Variants in CDH4 observed in about 807,000 individuals in gnomAD.
The protein encoded by CDH4 is cadherin-4.
Under a neutral mutation model 86.0 loss-of-function variants are expected in CDH4, and 33 were observed. The ratio of observed to expected loss-of-function variants is 0.38; its 90% CI spans 0.29 to 0.51. CDH4 has a LOEUF of 0.51. CDH4 is among the 20% of genes least tolerant of loss of function. The pLI, the probability that CDH4 is intolerant of heterozygous loss-of-function variation, is 0.86. For missense variants in CDH4, 1,114 were observed against 1,307.4 expected (o/e 0.85, Z 2.28); for synonymous variants, 555 against 549.4 (o/e 1.01, Z -0.14).
At chr20:61,277,901 T>G (rs1320714213) in intron 2 of CDH4, among the ~76,000 whole-genome samples, 1 of 152,336 alleles carries the variant, frequency 6.6e-6, no homozygotes, top group African/African-American at 2.4e-5. Context: ...CTTTTCCAGC[T>G]CTGGTTCCGA....
chr20:61,828,315 C>G (rs1296663700), intron 4 of CDH4, among the ~76,000 whole-genome samples: 1 of 152,166 alleles, frequency 6.6e-6, no homozygotes, highest in African/African-American at 2.4e-5. Context: ...TTTGCCTCCC[C>G]CCATTACACA....
chr20:61,647,688 A>C (rs1249285159), intron 2 of CDH4, among the ~76,000 whole-genome samples: 1 of 151,668 alleles, frequency 6.6e-6, no homozygotes, highest in African/African-American at 2.4e-5. Context: ...TGGTTTTCCA[A>C]ATGTGGAGAA....
At chr20:61,887,929 G>A (rs900396754) in intron 7 of CDH4, among the ~76,000 whole-genome samples, 3 of 152,220 alleles carry the variant, frequency 2.0e-5, no homozygotes, top group Non-Finnish European at 4.4e-5. Flanking sequence ...CAGGCAGGCA[G>A]TGGGGCACCT....
intron 9 of CDH4, among the ~76,000 whole-genome samples, chr20:61,922,311 C>T (rs906884369): frequency 6.6e-6 from 1 of 152,182 alleles, no homozygotes; most frequent in Non-Finnish European, 1.5e-5. Context: ...TTCCATGTAA[C>T]TTCCCTCCCT....
chr20:61,836,449 A>C (rs1981884726), intron 4 of CDH4, among the ~76,000 whole-genome samples: 2 of 152,244 alleles, frequency 1.3e-5, no homozygotes, highest in Admixed American at 1.3e-4. Context: ...TCATTGCTAA[A>C]ACTCAAAGTA....
chr20:61,892,125 A>T lies in CDH4; in HGVS notation c.1051-2785A>T, dbSNP rs569563122. Among the ~76,000 whole-genome samples the T allele has an allele frequency of 2.7e-3, 417 of 152,368 alleles. 1 individual carries two copies. The highest frequency in any genetic ancestry group is 4.7e-3 in the Non-Finnish European group (323 of 68,040). On this transcript the variant is annotated intron_variant, in intron 7 of 15. Coordinates refer to ENST00000614565, the MANE Select transcript of CDH4 (RefSeq NM_001794.5). ...TGTCAATAAAACTTTATTTACAATA[A>T]TAGTGATGCGCAGATTCAGCCCACA...
intron 2 of CDH4, among the ~76,000 whole-genome samples, chr20:61,444,434 T>G (rs1417674757): frequency 1.3e-5 from 2 of 152,086 alleles, no homozygotes; most frequent in African/African-American, 4.8e-5. Context: ...TGTATGTGTG[T>G]GTGGGTTTCT....
At chr20:61,671,105 GATGATGAATAGGTGGATGGGTGGATGC>G (rs376813287) in intron 2 of CDH4, among the ~76,000 whole-genome samples, 4,244 of 152,202 alleles carry the variant, frequency 0.028, 171 homozygotes, top group African/African-American at 0.086. Flanking sequence ...TGGGTGGATG[GATGATGAATAGGTGGATGGGTGGATGC>G]ATGATGGTTG....
chr20:61,758,796 C>T (rs2088597033), intron 3 of CDH4, among the ~76,000 whole-genome samples: 1 of 152,206 alleles, frequency 6.6e-6, no homozygotes, highest in African/African-American at 2.4e-5. Flanking sequence ...CCTGTGCAGG[C>T]TGGGAGCTGA....
At chr20:61,464,084 A>G (rs368002587) in intron 2 of CDH4, among the ~76,000 whole-genome samples, 37 of 152,304 alleles carry the variant, frequency 2.4e-4, no homozygotes, top group African/African-American at 8.2e-4. Context: ...TTCAGGTAGA[A>G]TTAGTGGAGT....
intron 2 of CDH4, among the ~76,000 whole-genome samples, chr20:61,725,659 C>A (rs989023094): frequency 6.6e-6 from 1 of 152,056 alleles, no homozygotes; most frequent in East Asian, 1.9e-4. Context: ...CAAGCAGAAA[C>A]CAACCCTGGA....
In CDH4 at chr20:61,718,963, G is replaced by A. The variant is rs146695640; in HGVS notation, c.170-24600G>A. On this transcript the variant is annotated intron_variant, in intron 2 of 15. Transcript: ENST00000614565. ...GGTGAAGCAGGGGTCTTCTCTCCTCGCCCTGCCCCCTGCCCTGCACCAGAT... is the reference window on the plus strand; with the variant it reads ...GGTGAAGCAGGGGTCTTCTCTCCTCACCCTGCCCCCTGCCCTGCACCAGAT... 798 of 471,090 alleles carry A rather than the reference G, an allele frequency of 1.7e-3. 8 individuals are homozygous for A. The highest frequency in any genetic ancestry group is 0.015 in the African/African-American group (735 of 50,128). 29.2% of individuals were successfully genotyped at this position (471,090 alleles called of 1,614,324 possible).
At chr20:61,540,202 G>T (rs1000336146) in intron 2 of CDH4, among the ~76,000 whole-genome samples, 7 of 152,240 alleles carry the variant, frequency 4.6e-5, no homozygotes, top group Admixed American at 2.0e-4. Context: ...CGGCAGCGTC[G>T]TCTTGATCCA....
chr20:61,780,177 G>GTGGCTCGTAGCTTCCAGAC (rs1234709184), intron 4 of CDH4, among the ~76,000 whole-genome samples: 16 of 152,286 alleles, frequency 1.1e-4, no homozygotes, highest in South Asian at 4.1e-4. Flanking sequence ...AGTTGTGCTG[G>GTGGCTCGTAGCTTCCAGAC]TGGCTCGTAG....
chr20:61,448,902 C>T (rs1052894594), intron 2 of CDH4, among the ~76,000 whole-genome samples: 3 of 152,050 alleles, frequency 2.0e-5, no homozygotes, highest in Non-Finnish European at 1.5e-5. Context: ...AAAATAAAAT[C>T]GAAAAGCCCT....
chr20:61,816,596 C>G (rs1980722534), intron 4 of CDH4, among the ~76,000 whole-genome samples: 1 of 152,062 alleles, frequency 6.6e-6, no homozygotes, highest in South Asian at 2.1e-4. Flanking sequence ...TGTTTCCTGC[C>G]ATGGGTGAGT....
chr20:61,680,666 G>T (rs945590571), intron 2 of CDH4, among the ~76,000 whole-genome samples: 2 of 152,166 alleles, frequency 1.3e-5, no homozygotes, highest in African/African-American at 4.8e-5. Context: ...GATTTTCAGA[G>T]CTTCGGTAGT....
At chr20:61,259,971 T>C (rs1283457300) in intron 2 of CDH4, among the ~76,000 whole-genome samples, 5 of 152,212 alleles carry the variant, frequency 3.3e-5, no homozygotes, top group Non-Finnish European at 7.3e-5. Flanking sequence ...AGTTTGAGGA[T>C]GGTGGAACAC....
At chr20:61,365,190 G>T (rs894496470) in intron 2 of CDH4, among the ~76,000 whole-genome samples, 1 of 152,182 alleles carries the variant, frequency 6.6e-6, no homozygotes, top group Non-Finnish European at 1.5e-5. Flanking sequence ...TCATCATGGG[G>T]GCAGAAATGG....
Sources: allele counts gnomAD v4.1 joint callset (sites outside exome capture counted in the v4.1 genomes callset), GRCh38; gene constraint gnomAD v4.1.1; transcripts MANE v1.5; gene names NCBI Gene and HGNC (gene_info 2026-07-23, HGNC 2026-07-21).